The following KHDRBS2 variants were observed in gnomAD, a reference collection of about 807,000 sequenced individuals.
KHDRBS2 encodes the protein KH domain-containing, RNA-binding, signal transduction-associated protein 2.
Under a neutral mutation model 44.3 loss-of-function variants are expected in KHDRBS2, and 26 were observed. The observed-to-expected ratio is 0.59, with a 90% CI of 0.43 to 0.81. The LOEUF (loss-of-function observed/expected upper bound fraction) is 0.81. KHDRBS2 is among the 40% of genes least tolerant of loss of function. The pLI, the probability that KHDRBS2 is intolerant of heterozygous loss-of-function variation, is 0.00. For synonymous variants in KHDRBS2, 194 were observed against 151.1 expected (o/e 1.28, Z -2.08); for missense variants, 476 against 433.1 (o/e 1.10, Z -0.88).
chr6:61,721,570 G>C (rs1036876881), intron 7 of KHDRBS2, among the ~76,000 whole-genome samples: 2 of 137,886 alleles, frequency 1.5e-5, no homozygotes, highest in African/African-American at 5.2e-5. Flanking sequence ...TCATGATTTG[G>C]CTCTCTGTTT....
At chr6:61,959,557 G>A (rs1010369280) in intron 4 of KHDRBS2, among the ~76,000 whole-genome samples, 1 of 152,134 alleles carries the variant, frequency 6.6e-6, no homozygotes. Context: ...AAAGTTAATA[G>A]GTAAGTCAAT....
chr6:61,839,313 G>A (rs1218646314), intron 6 of KHDRBS2, among the ~76,000 whole-genome samples: 2 of 151,604 alleles, frequency 1.3e-5, no homozygotes, highest in Non-Finnish European at 2.9e-5. Context: ...CCCTCTCCAT[G>A]ACTGTTTCTA....
rs1434888553 is a variant in KHDRBS2, at chr6:62,246,102, T to TTTTA, written c.91+39755_91+39756insTAAA. Reference sequence around the variant, plus strand: ...CATAGAAACATTAATTCAATCAATTTTATATATATATATATATATATATAT... The same window carrying TTTTA: ...CATAGAAACATTAATTCAATCAATTTTTTATATATATATATATATATATATATAT... On this transcript the variant is annotated intron_variant, in intron 1 of 8. Coordinates refer to ENST00000281156, the MANE Select transcript of KHDRBS2 (RefSeq NM_152688.4). Among the ~76,000 whole-genome samples, 484 of 124,282 alleles carry TTTTA rather than the reference T, an allele frequency of 3.9e-3. 5 individuals are homozygous for TTTTA. Among genetic ancestry groups the TTTTA allele is most frequent in the African/African-American group, 0.013 (449 of 34,414 alleles). The allele number at this position is 124,282 out of a possible 152,430, so 81.5% of individuals were successfully genotyped here.
intron 1 of KHDRBS2, among the ~76,000 whole-genome samples, chr6:62,216,729 C>T (rs1272193255): frequency 1.4e-5 from 2 of 139,632 alleles, no homozygotes; most frequent in Non-Finnish European, 3.1e-5. Flanking sequence ...AAGCACTTAA[C>T]GTTTTTCTCC....
intron 6 of KHDRBS2, among the ~76,000 whole-genome samples, chr6:61,855,852 T>A (rs546414708): frequency 6.6e-6 from 1 of 152,182 alleles, no homozygotes; most frequent in Non-Finnish European, 1.5e-5. Flanking sequence ...TCCCAAATAG[T>A]AGCTGGCTTA....
chr6:61,628,922 A>G, the KHDRBS2 span, among the ~76,000 whole-genome samples: 1 of 152,202 alleles, frequency 6.6e-6, no homozygotes, highest in Non-Finnish European at 1.5e-5. Flanking sequence ...TACGTTTTTC[A>G]GTTTTGCTGT....
chr6:61,914,075 CA>C (rs1340912882), intron 4 of KHDRBS2, among the ~76,000 whole-genome samples: 2 of 151,854 alleles, frequency 1.3e-5, no homozygotes, highest in Admixed American at 6.6e-5. Flanking sequence ...TGCCATGACA[CA>C]AATGGATTAA....
chr6:62,076,805 G>C (rs1796424184), intron 2 of KHDRBS2, among the ~76,000 whole-genome samples: 2 of 152,082 alleles, frequency 1.3e-5, no homozygotes, highest in South Asian at 4.2e-4. Flanking sequence ...ACTTTGGGAG[G>C]CCACTGAGTT....
chr6:62,239,756 G>T (rs1834292584), intron 1 of KHDRBS2, among the ~76,000 whole-genome samples: 1 of 152,000 alleles, frequency 6.6e-6, no homozygotes, highest in Non-Finnish European at 1.5e-5. Context: ...CGGGATCTCA[G>T]ATGACTGCAA....
At chr6:61,562,841 A>G in the KHDRBS2 span, among the ~76,000 whole-genome samples, 1 of 152,164 alleles carries the variant, frequency 6.6e-6, no homozygotes, top group African/African-American at 2.4e-5. Context: ...AAGTTTTTAT[A>G]AATTATTTTT....
At chr6:61,613,032 T>G in the KHDRBS2 span, among the ~76,000 whole-genome samples, 2 of 152,018 alleles carry the variant, frequency 1.3e-5, no homozygotes, top group East Asian at 3.9e-4. Flanking sequence ...TTTTGTATTT[T>G]TAGTAGAGAC....
chr6:61,971,257 G>T (rs1771344254), intron 4 of KHDRBS2, among the ~76,000 whole-genome samples: 1 of 152,064 alleles, frequency 6.6e-6, no homozygotes, highest in Non-Finnish European at 1.5e-5. Flanking sequence ...CTAAAGATGA[G>T]ATAGAAGTTA....
chr6:62,044,862 G>A (rs1411138449), intron 3 of KHDRBS2, among the ~76,000 whole-genome samples: 1 of 152,112 alleles, frequency 6.6e-6, no homozygotes, highest in Non-Finnish European at 1.5e-5. Flanking sequence ...GCCTGCCTAA[G>A]TTTGGTCAAG....
chr6:62,005,704 A>G (rs1444692734), intron 3 of KHDRBS2, among the ~76,000 whole-genome samples: 2 of 151,802 alleles, frequency 1.3e-5, no homozygotes, highest in Non-Finnish European at 2.9e-5. Context: ...TGAATAAAGA[A>G]TATAAAATAA....
At chr6:62,169,677 G>T (rs1214356263) in intron 2 of KHDRBS2, among the ~76,000 whole-genome samples, 3 of 151,984 alleles carry the variant, frequency 2.0e-5, no homozygotes, top group Admixed American at 6.6e-5. Context: ...TCTTGACAGG[G>T]ACCTGTGCAA....
rs1001446006 is a variant in KHDRBS2, at chr6:61,962,502, AT to A, written c.483+15563del. Among the ~76,000 whole-genome samples, 10 of 151,766 alleles carry A rather than the reference AT, an allele frequency of 6.6e-5. No homozygotes were observed. In the South Asian group the frequency reaches 1.0e-3, roughly 16 times the overall value. ...GGAGGGGTCAAAGTTTTGCAAAGTT[AT>A]TTTTTTTAATACTAAATTTGGATGT... On this transcript the variant is annotated intron_variant, in intron 4 of 8. Coordinates refer to ENST00000281156, the MANE Select transcript of KHDRBS2 (RefSeq NM_152688.4).
chr6:61,878,182 C>T (rs1469692580), intron 6 of KHDRBS2, among the ~76,000 whole-genome samples: 1 of 151,888 alleles, frequency 6.6e-6, no homozygotes, highest in African/African-American at 2.4e-5. Context: ...TCTACCTGCT[C>T]CAGTTCCTGC....
chr6:61,832,875 C>A (rs1392638622), intron 6 of KHDRBS2, among the ~76,000 whole-genome samples: 3 of 151,808 alleles, frequency 2.0e-5, no homozygotes. Context: ...AAGTCTACAG[C>A]AAAAAAATAT....
intron 2 of KHDRBS2, among the ~76,000 whole-genome samples, chr6:62,085,411 T>C (rs1047195807): frequency 6.6e-6 from 1 of 151,902 alleles, no homozygotes; most frequent in Non-Finnish European, 1.5e-5. Context: ...TGGAAAATTA[T>C]CATCAAAGGT....
Sources: gnomAD v4.1 joint callset for allele counts (sites outside exome capture counted in the v4.1 genomes callset) on GRCh38, gnomAD v4.1.1 for gene constraint, MANE v1.5 for transcripts, NCBI Gene and HGNC (gene_info 2026-07-23, HGNC 2026-07-21) for gene names.